RALYL: variants seen among roughly 807,000 people sequenced by gnomAD.
The protein encoded by RALYL is RALY RNA binding protein like, also known as RNA-binding Raly-like protein.
Under a neutral mutation model 35.1 loss-of-function variants are expected in RALYL, and 29 were observed. The ratio of observed to expected loss-of-function variants is 0.83; its 90% CI spans 0.61 to 1.13. The LOEUF is 1.13. Among genes scored for constraint, RALYL ranks in the 50% most tolerant of loss-of-function variants. The pLI is 0.00. For synonymous variants in RALYL, 120 were observed against 127.6 expected (o/e 0.94, Z 0.40); for missense variants, 359 against 360.4 (o/e 1.00, Z 0.03).
intron 1 of RALYL, among the ~76,000 whole-genome samples, chr8:84,301,876 A>G (rs978024475): frequency 6.6e-6 from 1 of 152,096 alleles, no homozygotes. Flanking sequence ...TATATAACTT[A>G]TATCTAATGA....
At chr8:84,879,848 A>G (rs1171675102) in intron 7 of RALYL, among the ~76,000 whole-genome samples, 1 of 152,068 alleles carries the variant, frequency 6.6e-6, no homozygotes, top group African/African-American at 2.4e-5. Flanking sequence ...GTGCTTCCTC[A>G]GTTAACTGTA....
chr8:84,719,521 A>G (rs530361524), intron 2 of RALYL, among the ~76,000 whole-genome samples: 97 of 152,284 alleles, frequency 6.4e-4, no homozygotes, highest in Non-Finnish European at 1.1e-3. Flanking sequence ...ATGCTGGGCA[A>G]TTTAACAATG....
chr8:84,540,794 T>A (rs962856293), intron 2 of RALYL, among the ~76,000 whole-genome samples: 1 of 152,052 alleles, frequency 6.6e-6, no homozygotes, highest in African/African-American at 2.4e-5. Context: ...GGGTCTGGAA[T>A]ATTTTGTGGA....
chr8:84,393,232 C>A (rs1296593049), intron 1 of RALYL, among the ~76,000 whole-genome samples: 1 of 152,020 alleles, frequency 6.6e-6, no homozygotes, highest in Non-Finnish European at 1.5e-5. Flanking sequence ...GAAAGCTAGA[C>A]TGGTAAAGGA....
intron 1 of RALYL, among the ~76,000 whole-genome samples, chr8:84,407,913 T>G (rs113461252): frequency 0.03 from 4,522 of 152,162 alleles, 215 homozygotes; most frequent in African/African-American, 0.1. Context: ...ATTGAGGTTT[T>G]GTAAATGTAA....
chr8:84,260,314 A>C (rs184023407), intron 1 of RALYL, among the ~76,000 whole-genome samples: 1 of 152,106 alleles, frequency 6.6e-6, no homozygotes, highest in Non-Finnish European at 1.5e-5. Context: ...TTTTCTCATG[A>C]TGATGTGTAT....
intron 6 of RALYL, among the ~76,000 whole-genome samples, chr8:84,869,128 C>T (rs1273957566): frequency 6.6e-6 from 1 of 151,954 alleles, no homozygotes; most frequent in Non-Finnish European, 1.5e-5. Context: ...TTGAATTAAG[C>T]ACAGTGATTC....
chr8:84,628,438 A>G (rs773266021), intron 2 of RALYL, among the ~76,000 whole-genome samples: 1 of 152,044 alleles, frequency 6.6e-6, no homozygotes, highest in African/African-American at 2.4e-5. Context: ...TTGCTTGTCT[A>G]TTTCCCTTGT....
intron 2 of RALYL, among the ~76,000 whole-genome samples, chr8:84,565,128 A>C (rs926199109): frequency 6.6e-6 from 1 of 151,570 alleles, no homozygotes; most frequent in African/African-American, 2.4e-5. Flanking sequence ...AATGAATGGA[A>C]CAGTATTAAA....
At chr8:84,509,332 T>A (rs1199573313) in intron 1 of RALYL, among the ~76,000 whole-genome samples, 1 of 152,168 alleles carries the variant, frequency 6.6e-6, no homozygotes, top group African/African-American at 2.4e-5. Flanking sequence ...CTTGATTAAA[T>A]GCATTTATGA....
intron 1 of RALYL, among the ~76,000 whole-genome samples, chr8:84,364,468 G>A (rs544968401): frequency 5.3e-5 from 8 of 152,192 alleles, no homozygotes; most frequent in African/African-American, 1.4e-4. Context: ...ATTGGCATAA[G>A]TTGGAAGAAA....
Position 84,777,200 on chromosome 8 carries a change from A to T in RALYL, c.332+2546A>T, listed in dbSNP as rs1211980883. Among the ~76,000 whole-genome samples, 4 of 152,368 alleles carry T rather than the reference A, an allele frequency of 2.6e-5. No individual in the cohort carries two copies. The East Asian group carries it at 7.7e-4, about 29-fold the overall frequency. On this transcript the variant is annotated intron_variant, in intron 3 of 8. Coordinates refer to ENST00000521268, the MANE Select transcript of RALYL (RefSeq NM_173848.7). ...TTGTTCAAGACAAGATCACAGGATTAGGAAATGTGCTCGGTTTTCAGCCTT... is the reference window on the plus strand; with the variant it reads ...TTGTTCAAGACAAGATCACAGGATTTGGAAATGTGCTCGGTTTTCAGCCTT...
intron 4 of RALYL, among the ~76,000 whole-genome samples, chr8:84,844,636 T>G (rs903119213): frequency 2.6e-5 from 4 of 152,198 alleles, no homozygotes; most frequent in Admixed American, 6.5e-5. Flanking sequence ...CCCAAAGGAC[T>G]ATAAATCATG....
At chr8:84,353,737 AT>A (rs1851333869) in intron 1 of RALYL, among the ~76,000 whole-genome samples, 1 of 150,406 alleles carries the variant, frequency 6.6e-6, no homozygotes, top group Non-Finnish European at 1.5e-5. Flanking sequence ...TTTGGTGAGC[AT>A]TTGTTAGAGG....
At chr8:84,730,919 T>A (rs1004190480) in intron 2 of RALYL, among the ~76,000 whole-genome samples, 1 of 151,772 alleles carries the variant, frequency 6.6e-6, no homozygotes, top group Non-Finnish European at 1.5e-5. Context: ...TATGCTGTGA[T>A]GGAATTTAGG....
intron 1 of RALYL, among the ~76,000 whole-genome samples, chr8:84,246,246 C>T (rs1416042709): frequency 1.3e-5 from 2 of 152,070 alleles, no homozygotes; most frequent in African/African-American, 4.8e-5. Flanking sequence ...TTACTTTTCC[C>T]CCACTTTCAC....
rs113932462 is a variant in RALYL, at chr8:84,282,665, T to C, written c.-24+98241T>C. ...TCAGAGGAGAATGCTATGTTGATAA[T>C]TGAGGAGCAGATATCTAAGCAAGAA... On this transcript the variant is annotated intron_variant, in intron 1 of 8. Coordinates refer to ENST00000521268, the MANE Select transcript of RALYL (RefSeq NM_173848.7). Among the ~76,000 whole-genome samples, 474 of 149,964 alleles carry C rather than the reference T, an allele frequency of 3.2e-3. 5 individuals are homozygous for C. Among genetic ancestry groups the C allele is most frequent in the African/African-American group, 0.011 (459 of 40,544 alleles).
chr8:84,303,889 G>T (rs928039859), intron 1 of RALYL, among the ~76,000 whole-genome samples: 1 of 151,982 alleles, frequency 6.6e-6, no homozygotes, highest in African/African-American at 2.4e-5. Context: ...CTTAACTTTT[G>T]ACACTTTCTC....
intron 1 of RALYL, among the ~76,000 whole-genome samples, chr8:84,258,473 A>G (rs1328270857): frequency 6.6e-6 from 1 of 151,942 alleles, no homozygotes; most frequent in Non-Finnish European, 1.5e-5. Flanking sequence ...TGTTCTTTTG[A>G]TTACTTTTTT....
Sources: gnomAD v4.1 joint callset for allele counts (sites outside exome capture counted in the v4.1 genomes callset) on GRCh38, gnomAD v4.1.1 for gene constraint, MANE v1.5 for transcripts, NCBI Gene and HGNC (gene_info 2026-07-23, HGNC 2026-07-21) for gene names.